PAQR5: variants seen among roughly 807,000 people sequenced by gnomAD.
PAQR5 encodes the protein progestin and adipoQ receptor family member 5.
In PAQR5, 20 loss-of-function variants were observed where a neutral mutation model predicts 34.5. That is an observed-to-expected ratio of 0.58 (90% CI 0.41 to 0.84). PAQR5 has a LOEUF of 0.84. Ranked by LOEUF, PAQR5 falls within the 40% of genes least tolerant of loss-of-function variation. The pLI is 0.00. For synonymous variants in PAQR5, 131 were observed against 155.6 expected (o/e 0.84, Z 1.18); for missense variants, 378 against 412.7 (o/e 0.92, Z 0.73).
At chr15:69,359,707 C>G (rs562896734) in intron 2 of PAQR5, among the ~76,000 whole-genome samples, 2 of 152,096 alleles carry the variant, frequency 1.3e-5, no homozygotes, top group East Asian at 3.9e-4. Flanking sequence ...TTAGATTTTA[C>G]TTTTTCTTTC....
chr15:69,381,058 A>G (rs2055872052), intron 4 of PAQR5, among the ~76,000 whole-genome samples: 2 of 152,170 alleles, frequency 1.3e-5, no homozygotes, highest in African/African-American at 4.8e-5. Flanking sequence ...TCTGGTGTGG[A>G]CTAGGGTGAT....
chr15:69,319,678 C>T (rs553822346), intron 1 of PAQR5, among the ~76,000 whole-genome samples: 38 of 152,254 alleles, frequency 2.5e-4, no homozygotes, highest in African/African-American at 8.9e-4. Context: ...CAGTCCTCAC[C>T]TCTTCCCAGG....
At chr15:69,312,255 G>A (rs12443059) in intron 1 of PAQR5, among the ~76,000 whole-genome samples, 1 of 152,150 alleles carries the variant, frequency 6.6e-6, no homozygotes. Flanking sequence ...GGAGCCTGCA[G>A]ATGCTTTTTG....
At chr15:69,367,427 C>G (rs1023053310) in intron 3 of PAQR5, among the ~76,000 whole-genome samples, 1 of 152,146 alleles carries the variant, frequency 6.6e-6, no homozygotes, top group African/African-American at 2.4e-5. Context: ...TTAAAAATTA[C>G]CCCATATAGC....
Position 69,322,654 on chromosome 15 carries a change from CAA to C in PAQR5, c.-276-14669_-276-14668del, listed in dbSNP as rs756926537. Among the ~76,000 whole-genome samples the C allele has an allele frequency of 1.3e-3, 30 of 23,608 alleles. 1 individual carries two copies. The highest frequency in any genetic ancestry group is 3.6e-3 in the African/African-American group (21 of 5,858). The allele number at this position is 23,608 out of a possible 152,430, so 15.5% of individuals were successfully genotyped here. A position where few individuals can be genotyped will look rare whatever the true frequency, so the allele number is the denominator to read the frequency against. ...TGGGTGACAGAGTGAGACCCTGTCTCAAAAAAAAAAAAAAAAAAAGAAGAAGA... is the reference window on the plus strand; with the variant it reads ...TGGGTGACAGAGTGAGACCCTGTCTCAAAAAAAAAAAAAAAAAGAAGAAGA... On this transcript the variant is annotated intron_variant, in intron 1 of 8. Coordinates refer to ENST00000395407, the MANE Select transcript of PAQR5 (RefSeq NM_017705.4).
At chr15:69,311,532 T>C (rs2053834168) in intron 1 of PAQR5, among the ~76,000 whole-genome samples, 2 of 152,182 alleles carry the variant, frequency 1.3e-5, no homozygotes, top group African/African-American at 2.4e-5. Context: ...ATGCTCTGAA[T>C]CACTTCCTTA....
chr15:69,349,803 G>T (rs530956927), intron 2 of PAQR5, among the ~76,000 whole-genome samples: 1 of 151,742 alleles, frequency 6.6e-6, no homozygotes, highest in Non-Finnish European at 1.5e-5. Flanking sequence ...CACCACACCC[G>T]GCTAATTTTT....
intron 3 of PAQR5, among the ~76,000 whole-genome samples, chr15:69,366,472 A>G (rs2055405545): frequency 6.6e-6 from 1 of 152,164 alleles, no homozygotes; most frequent in Non-Finnish European, 1.5e-5. Flanking sequence ...ACAACCCAGG[A>G]GTGGAGTTGC....
intron 1 of PAQR5, among the ~76,000 whole-genome samples, chr15:69,322,356 C>T (rs528322942): frequency 6.7e-6 from 1 of 149,066 alleles, no homozygotes; most frequent in South Asian, 2.1e-4. Context: ...GGCGCGGTAG[C>T]GGGCACCTGT....
intron 8 of PAQR5, 124 bp from the exon 9 acceptor site, chr15:69,403,457 A>G (rs1567046844): frequency 1.2e-6 from 1 of 841,774 alleles, no homozygotes; most frequent in Non-Finnish European, 1.8e-6. Flanking sequence ...GAGATTTTAT[A>G]TAATATGTGG....
chr15:69,310,776 T>C (rs28452556), intron 1 of PAQR5, among the ~76,000 whole-genome samples: 8,214 of 151,850 alleles, frequency 0.054, 723 homozygotes, highest in African/African-American at 0.19. Context: ...CGGTGGCTCA[T>C]GCCTGTAATC....
chr15:69,333,682 T>C (rs570794798), intron 1 of PAQR5, among the ~76,000 whole-genome samples: 25 of 152,318 alleles, frequency 1.6e-4, no homozygotes, highest in African/African-American at 6.0e-4. Flanking sequence ...CAGTATAAAA[T>C]GGCACCCTTA....
At chr15:69,376,258 G>A (rs1256359561) in intron 3 of PAQR5, among the ~76,000 whole-genome samples, 1 of 152,202 alleles carries the variant, frequency 6.6e-6, no homozygotes, top group South Asian at 2.1e-4. Context: ...GCCAAGCTAC[G>A]AAGTGTTGAG....
chr15:69,365,257 C>A (rs1246698727), intron 3 of PAQR5, among the ~76,000 whole-genome samples: 1 of 151,956 alleles, frequency 6.6e-6, no homozygotes, highest in Non-Finnish European at 1.5e-5. Flanking sequence ...CAGGCAAGTG[C>A]CACCATCCCT....
intron 2 of PAQR5, among the ~76,000 whole-genome samples, chr15:69,339,041 G>A (rs1485251113): frequency 6.6e-6 from 1 of 152,060 alleles, no homozygotes; most frequent in Non-Finnish European, 1.5e-5. Flanking sequence ...AGCAGGCACC[G>A]CTCAGATCAG....
chr15:69,392,488 C>G (rs1054454817), intron 6 of PAQR5, among the ~76,000 whole-genome samples: 21 of 151,938 alleles, frequency 1.4e-4, no homozygotes, highest in Non-Finnish European at 2.5e-4. Flanking sequence ...CCTATTCCAT[C>G]TATCCACCCA....
chr15:69,360,461 C>T (rs1337029506), intron 3 of PAQR5, among the ~76,000 whole-genome samples: 2 of 152,184 alleles, frequency 1.3e-5, no homozygotes, highest in Non-Finnish European at 2.9e-5. Flanking sequence ...CAGGCCCCTC[C>T]TATGGGTGCT....
At chr15:69,345,528 T>G (rs1278370529) in intron 2 of PAQR5, among the ~76,000 whole-genome samples, 1 of 152,176 alleles carries the variant, frequency 6.6e-6, no homozygotes, top group African/African-American at 2.4e-5. Flanking sequence ...TTTCACCTCT[T>G]AGTAATTTTG....
At chr15:69,335,188 C>A (rs1412675379) in intron 1 of PAQR5, among the ~76,000 whole-genome samples, 1 of 148,262 alleles carries the variant, frequency 6.7e-6, no homozygotes, top group Non-Finnish European at 1.5e-5. Flanking sequence ...TGTGCTCAAG[C>A]ATGGGCAACA....
Sources: allele counts gnomAD v4.1 joint callset (sites outside exome capture counted in the v4.1 genomes callset), GRCh38; gene constraint gnomAD v4.1.1; transcripts MANE v1.5; gene names NCBI Gene and HGNC (gene_info 2026-07-23, HGNC 2026-07-21).